Variants in SLC35F3 observed in about 807,000 individuals in gnomAD.
SLC35F3 encodes putative thiamine transporter SLC35F3.
A neutral mutation model predicts 49.9 loss-of-function variants in SLC35F3; 25 were observed. The ratio of observed to expected loss-of-function variants is 0.50; its 90% CI spans 0.37 to 0.70. SLC35F3 has a LOEUF of 0.70. Ranked by LOEUF, SLC35F3 falls within the 30% of genes least tolerant of loss-of-function variation. The pLI is 0.00. For missense variants in SLC35F3, 525 were observed against 639.8 expected (o/e 0.82, Z 1.94); for synonymous variants, 275 against 265.4 (o/e 1.04, Z -0.35).
At chr1:234,172,812 A>G (rs943229991) in intron 2 of SLC35F3, among the ~76,000 whole-genome samples, 3 of 152,222 alleles carry the variant, frequency 2.0e-5, no homozygotes, top group Non-Finnish European at 2.9e-5. Context: ...GTAAAAATGC[A>G]GTATTATAAT....
At position 234,214,721 on chromosome 1, in the gene SLC35F3, C is replaced by G. The variant is rs1277211277; in HGVS notation, c.284-16696C>G. 1 of 1,097,182 alleles carries G rather than the reference C, an allele frequency of 9.1e-7. No individual in the cohort carries two copies. Among genetic ancestry groups the G allele is most frequent in the Non-Finnish European group, 1.2e-6 (1 of 819,620 alleles). The allele number at this position is 1,097,182 out of a possible 1,614,324, so 68.0% of individuals were successfully genotyped here. A position where few individuals can be genotyped will look rare whatever the true frequency, so the allele number is the denominator to read the frequency against. ...GCTCCGCAGTGCAGAGCGCCGCCGC[C>G]TGCGTGGGGGGATCTGGCAGCTTCA... On this transcript the variant is annotated intron_variant, in intron 2 of 7. Transcript: ENST00000366618. This position sits in a 1 kb window ranked among gnomAD's most constrained non-coding sequence, Gnocchi z 8.0.
chr1:234,279,825 TC>T (rs1668275446), intron 3 of SLC35F3, among the ~76,000 whole-genome samples: 2 of 152,238 alleles, frequency 1.3e-5, no homozygotes, highest in Admixed American at 1.3e-4. Flanking sequence ...CATTTAAGGT[TC>T]TTTTCTCAGA....
Position 234,018,178 on chromosome 1 carries a change from A to G in SLC35F3, c.283+112420A>G, listed in dbSNP as rs145019842. 5.6e-4 allele frequency among the ~76,000 whole-genome samples: 85 copies of G among 152,282 alleles called. 1 individual carries two copies. The highest frequency in any genetic ancestry group is 1.8e-3 in the African/African-American group (74 of 41,562). ...AAACGCCGTGAATATTGATCTGGGGATAGACATAAATTTTAGCAAGTAGGT... is the reference window on the plus strand; with the variant it reads ...AAACGCCGTGAATATTGATCTGGGGGTAGACATAAATTTTAGCAAGTAGGT... On this transcript the variant is annotated intron_variant, in intron 2 of 7. Coordinates refer to ENST00000366618, the MANE Select transcript of SLC35F3 (RefSeq NM_173508.4).
chr1:233,941,405 A>C (rs923120164), intron 2 of SLC35F3, among the ~76,000 whole-genome samples: 1 of 152,184 alleles, frequency 6.6e-6, no homozygotes, highest in African/African-American at 2.4e-5. Flanking sequence ...AACAATTGTC[A>C]CTAAATATTT....
Position 234,261,367 on chromosome 1 carries a change from T to G in SLC35F3, c.608+29626T>G, listed in dbSNP as rs377102325. 4.5e-4 allele frequency among the ~76,000 whole-genome samples: 68 copies of G among 152,336 alleles called. 2 individuals carry two copies. In the East Asian group the frequency reaches 0.013, roughly 29 times the overall value. ...GTTTTCTGGGAAAGGGGCAGGGAAT[T>G]CCTGGAACTGAGGGAATTCCTGGAT... On this transcript the variant is annotated intron_variant, in intron 3 of 7. Transcript: ENST00000366618.
At chr1:234,190,000 T>G (rs906967526) in intron 2 of SLC35F3, among the ~76,000 whole-genome samples, 1 of 152,188 alleles carries the variant, frequency 6.6e-6, no homozygotes, top group Admixed American at 6.5e-5. Context: ...ATAGTCTTTT[T>G]CAGACAAACA....
At chr1:234,198,966 C>T (rs1666856155) in intron 2 of SLC35F3, among the ~76,000 whole-genome samples, 1 of 151,734 alleles carries the variant, frequency 6.6e-6, no homozygotes, top group South Asian at 2.1e-4. Flanking sequence ...TGTCTATAAT[C>T]CCGGAACATT....
At chr1:234,315,835 G>T (rs2102997068) in intron 4 of SLC35F3, among the ~76,000 whole-genome samples, 1 of 152,250 alleles carries the variant, frequency 6.6e-6, no homozygotes, top group South Asian at 2.1e-4. Flanking sequence ...CTCTGTGCTG[G>T]TGCATTTTCT....
chr1:234,230,851 A>G (rs528036436), intron 2 of SLC35F3, among the ~76,000 whole-genome samples: 2 of 152,342 alleles, frequency 1.3e-5, no homozygotes, highest in South Asian at 4.1e-4. Context: ...TGCTGTACGT[A>G]CAAAATAAGA....
chr1:234,057,698 A>C (rs2102860756), intron 2 of SLC35F3, among the ~76,000 whole-genome samples: 1 of 151,908 alleles, frequency 6.6e-6, no homozygotes. Flanking sequence ...TGATGAGAGC[A>C]GATATCTGTG....
At position 234,231,406 on chromosome 1, in the gene SLC35F3, C is replaced by G; in HGVS notation, c.284-11C>G. 2.6e-6 allele frequency: 4 copies of G among 1,520,272 alleles called. No homozygotes were observed. The highest frequency in any genetic ancestry group is 3.5e-6 in the Non-Finnish European group (4 of 1,137,234). 94.2% of individuals were successfully genotyped at this position (1,520,272 alleles called of 1,614,324 possible). A position where few individuals can be genotyped will look rare whatever the true frequency, so the allele number is the denominator to read the frequency against. ...TGCAGGCCCCGCTAACCACGCCCTT[C>G]TCTTCCCCAGGGGAGGAGCGCCCCC... On this transcript the variant is annotated splice_polypyrimidine_tract_variant and intron_variant, in intron 2 of 7. Transcript: ENST00000366618. This position sits in a 1 kb window ranked among gnomAD's most constrained non-coding sequence, Gnocchi z 5.4.
At chr1:233,924,606 G>A (rs1176086929) in intron 2 of SLC35F3, among the ~76,000 whole-genome samples, 1 of 152,084 alleles carries the variant, frequency 6.6e-6, no homozygotes, top group East Asian at 1.9e-4. Context: ...TTGATTTTTT[G>A]AAGGGTTTTT....
chr1:234,254,023 T>A (rs1273832089), intron 3 of SLC35F3, among the ~76,000 whole-genome samples: 1 of 152,190 alleles, frequency 6.6e-6, no homozygotes, highest in African/African-American at 2.4e-5. Flanking sequence ...CTGAACTTCA[T>A]CCATGTCCAA....
intron 3 of SLC35F3, among the ~76,000 whole-genome samples, chr1:234,248,942 C>T (rs1558273357): frequency 6.6e-6 from 1 of 152,182 alleles, no homozygotes; most frequent in Admixed American, 6.5e-5. Flanking sequence ...GAGGGATCCT[C>T]CAGGTTTCTT....
chr1:234,111,667 C>G (rs568970421), intron 2 of SLC35F3, among the ~76,000 whole-genome samples: 1 of 152,334 alleles, frequency 6.6e-6, no homozygotes, highest in East Asian at 1.9e-4. Flanking sequence ...CCCATGCTCC[C>G]TCTGCTGACT....
intron 2 of SLC35F3, among the ~76,000 whole-genome samples, chr1:234,184,144 A>C (rs886429299): frequency 6.6e-6 from 1 of 151,916 alleles, no homozygotes; most frequent in Admixed American, 6.6e-5. Flanking sequence ...TTTTTAAAAA[A>C]AAAAAACAAA....
chr1:234,253,151 C>A (rs1041406437), intron 3 of SLC35F3, among the ~76,000 whole-genome samples: 30 of 152,102 alleles, frequency 2.0e-4, no homozygotes, highest in Admixed American at 9.8e-4. Context: ...TATGATGAAA[C>A]CCTGTCTCTA....
chr1:234,060,310 C>A (rs1277667833), intron 2 of SLC35F3, among the ~76,000 whole-genome samples: 1 of 152,070 alleles, frequency 6.6e-6, no homozygotes, highest in Non-Finnish European at 1.5e-5. Flanking sequence ...TTCCTCATTG[C>A]TTGTCTACTA....
intron 2 of SLC35F3, among the ~76,000 whole-genome samples, chr1:233,917,400 G>A (rs1359393974): frequency 3.3e-5 from 5 of 152,038 alleles, no homozygotes; most frequent in African/African-American, 1.2e-4. Context: ...TGTAATCAGA[G>A]TTCTAATTTG....
Sources: gnomAD v4.1 joint callset for allele counts (sites outside exome capture counted in the v4.1 genomes callset) on GRCh38, gnomAD v4.1.1 for gene constraint, Gnocchi (gnomAD v3.1) non-coding constraint, MANE v1.5 for transcripts, NCBI Gene and HGNC (gene_info 2026-07-23, HGNC 2026-07-21) for gene names.